The following KCNK10 variants were observed in gnomAD, a reference collection of about 807,000 sequenced individuals.
KCNK10 encodes potassium channel subfamily K member 10.
A neutral mutation model predicts 47.7 loss-of-function variants in KCNK10; 25 were observed. The ratio of observed to expected loss-of-function variants is 0.52; its 90% CI spans 0.38 to 0.73. The LOEUF (loss-of-function observed/expected upper bound fraction) is 0.73. KCNK10 is among the 30% of genes least tolerant of loss of function. The pLI, the probability that KCNK10 is intolerant of heterozygous loss-of-function variation, is 0.00. For missense variants in KCNK10, 563 were observed against 714.5 expected (o/e 0.79, Z 2.42); for synonymous variants, 303 against 285.6 (o/e 1.06, Z -0.61).
At chr14:88,201,666 G>GAA (rs998543405) in intron 4 of KCNK10, among the ~76,000 whole-genome samples, 1 of 141,998 alleles carries the variant, frequency 7.0e-6, no homozygotes, top group African/African-American at 2.6e-5. Flanking sequence ...TCTCAAAAAA[G>GAA]AAAAAAAAAA....
intron 3 of KCNK10, chr14:88,235,478 G>A: frequency 8.3e-6 from 2 of 241,120 alleles, no homozygotes; most frequent in Non-Finnish European, 8.5e-6. Flanking sequence ...CCAAAAAGTA[G>A]AAATTCAAGA....
At chr14:88,226,755 CTT>C (rs1299778216) in intron 4 of KCNK10, among the ~76,000 whole-genome samples, 1 of 152,086 alleles carries the variant, frequency 6.6e-6, no homozygotes, top group African/African-American at 2.4e-5. Context: ...ATAGTTGTCT[CTT>C]GTTTAAAGAT....
chr14:88,193,854 T>C (rs1011106342), intron 4 of KCNK10, among the ~76,000 whole-genome samples: 2 of 152,140 alleles, frequency 1.3e-5, no homozygotes, highest in Non-Finnish European at 2.9e-5. Context: ...AAGAAAGTTG[T>C]CAAACAAAGT....
chr14:88,233,417 C>G (rs369042384), intron 3 of KCNK10, among the ~76,000 whole-genome samples: 1 of 152,172 alleles, frequency 6.6e-6, no homozygotes, highest in Non-Finnish European at 1.5e-5. Context: ...GCCCCTAATC[C>G]AGATCATATG....
chr14:88,323,278 A>T, upstream of KCNK10: 1 of 985,412 alleles, frequency 1.0e-6, no homozygotes, highest in African/African-American at 1.8e-5. Flanking sequence ...TTGGGCGGGC[A>T]CGTCAGCCTC....
chr14:88,267,896 T>C (rs888870303), intron 1 of KCNK10, among the ~76,000 whole-genome samples: 7 of 152,150 alleles, frequency 4.6e-5, no homozygotes, highest in African/African-American at 1.7e-4. Context: ...GGGCACTTAC[T>C]CATGCTGTCA....
At chr14:88,306,746 T>C (rs1888210620) in intron 1 of KCNK10, among the ~76,000 whole-genome samples, 1 of 152,184 alleles carries the variant, frequency 6.6e-6, no homozygotes, top group South Asian at 2.1e-4. Context: ...TTACAATCTA[T>C]TATTGAAGAC....
At chr14:88,202,893 G>C (rs756798189) in intron 4 of KCNK10, among the ~76,000 whole-genome samples, 3 of 152,196 alleles carry the variant, frequency 2.0e-5, no homozygotes, top group Non-Finnish European at 4.4e-5. Context: ...GCACAGCCCA[G>C]CTCTCAAGAG....
intron 1 of KCNK10, among the ~76,000 whole-genome samples, chr14:88,266,271 C>A (rs762676740): frequency 7.2e-5 from 11 of 152,348 alleles, no homozygotes; most frequent in Middle Eastern, 3.4e-3. Flanking sequence ...TTTGGCACTC[C>A]AGCAATACTG....
chr14:88,304,976 TC>T (rs1888176507), intron 1 of KCNK10, among the ~76,000 whole-genome samples: 1 of 152,176 alleles, frequency 6.6e-6, no homozygotes, highest in African/African-American at 2.4e-5. Flanking sequence ...GGCAGGCAGA[TC>T]ACCTGACGTC....
Position 88,234,719 on chromosome 14 carries a change from T to A in KCNK10, c.520+5984A>T, listed in dbSNP as rs150496717. On this transcript the variant is annotated intron_variant, in intron 3 of 6. Transcript: ENST00000319231. The stretch of plus-strand genomic sequence containing the variant: ...TTGCTGTGGACCAGTGACTGCTGGG[T>A]GTCTCTCCTGCTTCTGAATGAAGAT... Among the ~76,000 whole-genome samples the A allele has an allele frequency of 3.2e-3, 495 of 152,314 alleles. 5 individuals are homozygous for A. The highest frequency in any genetic ancestry group is 0.011 in the African/African-American group (466 of 41,558).
chr14:88,258,432 A>G (rs1485685915), intron 2 of KCNK10, among the ~76,000 whole-genome samples: 2 of 152,212 alleles, frequency 1.3e-5, no homozygotes, highest in South Asian at 2.1e-4. Context: ...CTGGGATTAC[A>G]GGCACCTGCC....
intron 3 of KCNK10, among the ~76,000 whole-genome samples, chr14:88,230,528 A>T (rs890506709): frequency 6.6e-6 from 1 of 152,232 alleles, no homozygotes; most frequent in Non-Finnish European, 1.5e-5. Flanking sequence ...TGCCAAAGTC[A>T]AATCTTGGCC....
At chr14:88,214,495 C>G (rs530697221) in intron 4 of KCNK10, among the ~76,000 whole-genome samples, 25 of 152,314 alleles carry the variant, frequency 1.6e-4, no homozygotes, top group Middle Eastern at 3.4e-3. Context: ...GCTATTGGTA[C>G]AGTATAGGCC....
intron 1 of KCNK10, among the ~76,000 whole-genome samples, chr14:88,274,647 A>G (rs1295990242): frequency 4.6e-5 from 7 of 151,580 alleles, no homozygotes; most frequent in Non-Finnish European, 5.9e-5. Flanking sequence ...GTCCCACCCA[A>G]TAATGGTGAT....
rs142556656 is a variant in KCNK10, at chr14:88,183,416, G to A, written c.*2119C>T. 338 of 152,486 alleles carry A rather than the reference G, an allele frequency of 2.2e-3. 3 individuals are homozygous for A. The highest frequency in any genetic ancestry group is 3.7e-3 in the Non-Finnish European group (255 of 68,040). 9.4% of individuals were successfully genotyped at this position (152,486 alleles called of 1,614,324 possible). On this transcript the variant is annotated 3_prime_UTR_variant, in exon 7 of 7. Transcript: ENST00000319231. ...ATAACACAGAGTGGAAACCAAATAA[G>A]TGAGATCCATGGACAGTTTAATTAG...
chr14:88,247,998 T>C (rs557345509), intron 2 of KCNK10, among the ~76,000 whole-genome samples: 2 of 152,302 alleles, frequency 1.3e-5, no homozygotes, highest in African/African-American at 4.8e-5. Flanking sequence ...TACTTTGATA[T>C]GATCAATAAA....
intron 1 of KCNK10, among the ~76,000 whole-genome samples, chr14:88,281,420 A>C (rs1251687809): frequency 6.6e-6 from 1 of 152,144 alleles, no homozygotes; most frequent in Non-Finnish European, 1.5e-5. Flanking sequence ...AGAGTGAGTA[A>C]AGCAGATTTC....
intron 4 of KCNK10, among the ~76,000 whole-genome samples, chr14:88,210,432 G>A (rs73326121): frequency 0.012 from 1,812 of 152,348 alleles, 34 homozygotes; most frequent in African/African-American, 0.041. Flanking sequence ...TTGACCTAGC[G>A]AGGAGCATGA....
Sources: allele counts gnomAD v4.1 joint callset (sites outside exome capture counted in the v4.1 genomes callset), GRCh38; gene constraint gnomAD v4.1.1; transcripts MANE v1.5; gene names NCBI Gene and HGNC (gene_info 2026-07-23, HGNC 2026-07-21).